The following OSBPL1A variants were observed in gnomAD, a reference collection of about 807,000 sequenced individuals.
OSBPL1A encodes the protein oxysterol-binding protein-related protein 1.
A neutral mutation model predicts 137.1 loss-of-function variants in OSBPL1A; 80 were observed. The observed-to-expected ratio is 0.58, with a 90% CI of 0.49 to 0.70. The LOEUF (loss-of-function observed/expected upper bound fraction) is 0.70, where lower values mean the gene tolerates loss of function less well. Among genes scored for constraint, OSBPL1A ranks in the 30% least tolerant of loss-of-function variants. The pLI, the probability that OSBPL1A is intolerant of heterozygous loss-of-function variation, is 0.00. For missense variants in OSBPL1A, 970 were observed against 1,129.4 expected, an observed-to-expected ratio of 0.86 and a Z score of 2.02; for synonymous variants, 365 against 389.7, an observed-to-expected ratio of 0.94 and a Z score of 0.75.
intron 15 of OSBPL1A, among the ~76,000 whole-genome samples, chr18:24,263,458 G>T (rs992759052): frequency 1.3e-5 from 2 of 151,910 alleles, no homozygotes; most frequent in Non-Finnish European, 2.9e-5. Context: ...CCAAATATTG[G>T]ACTAAAATAT....
chr18:24,196,174 G>A lies in OSBPL1A; in HGVS notation c.1628C>T (p.Ser543Phe), dbSNP rs1162550844. Residue 543 changes from serine (S) to phenylalanine (F), a missense_variant, in exon 18 of 28, where the codon TCC (serine) becomes TTC (phenylalanine). This residue lies in a region of OSBPL1A where 647 missense variants were observed against 672.6 expected (regional missense o/e 0.96). Transcript: ENST00000319481. ...HRTSLPSPMF[S>F]RNDFSIWSIL... ...GCTCCAGATACTGAAGTCATTTCTG[G>A]AAAACATAGGAGAAGGCAAACTTGT... 3 of 1,610,440 alleles carry A rather than the reference G, an allele frequency of 1.9e-6. No individual in the cohort carries two copies. The African/African-American group carries it at 4.0e-5, about 22-fold the overall frequency.
chr18:24,306,645 A>T (rs535482612), intron 13 of OSBPL1A, among the ~76,000 whole-genome samples: 6 of 152,284 alleles, frequency 3.9e-5, no homozygotes, highest in African/African-American at 1.4e-4. Context: ...GTTGCCAGAG[A>T]TGGAAGTGGA....
chr18:24,166,848 TA>T (rs1424329929), intron 25 of OSBPL1A, 146 bp from the exon 26 acceptor site: 14 of 841,078 alleles, frequency 1.7e-5, no homozygotes, highest in African/African-American at 5.2e-5. Context: ...CACACGTATC[TA>T]AATGTTTTCA....
chr18:24,250,160 TTGTTTG>T (rs2089036540), intron 15 of OSBPL1A, among the ~76,000 whole-genome samples: 1 of 53,110 alleles, frequency 1.9e-5, no homozygotes. Context: ...GTGTTTTTGT[TTGTTTG>T]TTTGTTTGTT....
At chr18:24,331,190 C>T (rs146478793) in intron 7 of OSBPL1A, among the ~76,000 whole-genome samples, 3 of 152,232 alleles carry the variant, frequency 2.0e-5, no homozygotes, top group African/African-American at 7.2e-5. Context: ...GTGAACCAGA[C>T]AATGAAGTAT....
chr18:24,271,846 G>A lies in OSBPL1A; in HGVS notation c.1281+8996C>T. 1 of 985,288 alleles carries A rather than the reference G, an allele frequency of 1.0e-6. No homozygotes were observed. Among genetic ancestry groups the A allele is most frequent in the Non-Finnish European group, 1.2e-6 (1 of 829,976 alleles). 61.0% of individuals were successfully genotyped at this position (985,288 alleles called of 1,614,324 possible). On this transcript the variant is annotated intron_variant, in intron 15 of 27. Coordinates refer to ENST00000319481, the MANE Select transcript of OSBPL1A (RefSeq NM_080597.4). This position sits in a 1 kb window ranked among gnomAD's most constrained non-coding sequence, Gnocchi z 4.0. ...AGCAGCGCCAGCCTTCCCCAGCGAG[G>A]TCGGGCAGAGGCGTTGCCCGCCAGC...
At chr18:24,284,476 T>C (rs999146239) in intron 14 of OSBPL1A, among the ~76,000 whole-genome samples, 1 of 152,178 alleles carries the variant, frequency 6.6e-6, no homozygotes, top group African/African-American at 2.4e-5. Flanking sequence ...AGCTTAACTT[T>C]AGAGACATAA....
At chr18:24,238,177 CCT>C (rs1200649325) in intron 16 of OSBPL1A, among the ~76,000 whole-genome samples, 1 of 152,180 alleles carries the variant, frequency 6.6e-6, no homozygotes. Flanking sequence ...CACCATGCTT[CCT>C]CTCTTTCCTG....
At chr18:24,251,045 C>T (rs926934079) in intron 15 of OSBPL1A, among the ~76,000 whole-genome samples, 2 of 152,130 alleles carry the variant, frequency 1.3e-5, no homozygotes, top group South Asian at 2.1e-4. Context: ...GAGGGAAGAG[C>T]GGGAAGGACT....
At chr18:24,373,304 C>G (rs749238833) in intron 2 of OSBPL1A, among the ~76,000 whole-genome samples, 1 of 152,124 alleles carries the variant, frequency 6.6e-6, no homozygotes, top group Non-Finnish European at 1.5e-5. Context: ...ATTTGGACCT[C>G]CTAGTAAAGT....
In OSBPL1A at chr18:24,195,906, TG is replaced by T. The variant is rs544688208; in HGVS notation, c.1677+218del. ...AAACACGGCATTTTCAGTTTCTGTT[TG>T]TTTTTTTTTTTACATCAAAAATGCA... On this transcript the variant is annotated intron_variant, in intron 18 of 27. Transcript: ENST00000319481. 1.5e-3 allele frequency: 738 copies of T among 480,912 alleles called. 2 individuals are homozygous for T. In the East Asian group the frequency reaches 0.017, roughly 11 times the overall value. The allele number at this position is 480,912 out of a possible 1,614,324, so 29.8% of individuals were successfully genotyped here. A position where few individuals can be genotyped will look rare whatever the true frequency, so the allele number is the denominator to read the frequency against.
intron 15 of OSBPL1A, among the ~76,000 whole-genome samples, chr18:24,265,029 T>A (rs558373099): frequency 3.3e-5 from 5 of 152,340 alleles, no homozygotes; most frequent in African/African-American, 7.2e-5. Flanking sequence ...GGCATCCACA[T>A]CCTGCCTCCA....
At chr18:24,346,617 T>C (rs2091350055) in intron 4 of OSBPL1A, among the ~76,000 whole-genome samples, 1 of 152,224 alleles carries the variant, frequency 6.6e-6, no homozygotes, top group African/African-American at 2.4e-5. Flanking sequence ...TCAAGGTTCA[T>C]TTATGTTTTG....
At chr18:24,208,707 A>G (rs1473870440) in intron 17 of OSBPL1A, among the ~76,000 whole-genome samples, 2 of 152,256 alleles carry the variant, frequency 1.3e-5, no homozygotes, top group Non-Finnish European at 2.9e-5. Flanking sequence ...ATAGGTACTT[A>G]GCACACATTG....
At chr18:24,190,845 C>T (rs536887237) in intron 18 of OSBPL1A, among the ~76,000 whole-genome samples, 2 of 152,316 alleles carry the variant, frequency 1.3e-5, no homozygotes, top group South Asian at 4.1e-4. Context: ...TATCTCATCC[C>T]TTCTGACAGT....
Position 24,167,364 on chromosome 18 carries a change from A to G in OSBPL1A, c.2500T>C (p.Trp834Arg). The change falls in exon 25 of 28, where the codon TGG becomes CGG. Residue 834 changes from tryptophan (W) to arginine (R), a missense_variant. Trp to Arg is a moderately radical substitution (Grantham distance 101). Around this residue, in one of 2 missense-constraint regions of OSBPL1A, gnomAD observed 323 missense variants for 456.8 expected, o/e 0.71. Transcript: ENST00000319481. ...TTTGGAGGCCGTGGGGCTATTCGCC[A>G]TAGAAGAACGCTTCCAGGGATAATG... Reference protein sequence around the residue: ...VFIIPGSVLLWRIAPRPPNSA... With the variant: ...VFIIPGSVLLRRIAPRPPNSA... 2 of 1,614,256 alleles carry G rather than the reference A, an allele frequency of 1.2e-6. No homozygotes were observed. Among genetic ancestry groups the G allele is most frequent in the Non-Finnish European group, 1.7e-6 (2 of 1,180,046 alleles).
chr18:24,228,920 G>A (rs866083805), intron 16 of OSBPL1A, among the ~76,000 whole-genome samples: 22 of 152,314 alleles, frequency 1.4e-4, no homozygotes, highest in Middle Eastern at 6.8e-3. Context: ...GCAAACACAG[G>A]CTGGGCGCGG....
rs551018871 is a variant in OSBPL1A at position 24,249,555 on chromosome 18, C to G, written c.1282-10173G>C. ...TTGAATCACCAACACCAACCCTCCC[C>G]TATCCCCTGGCAACAGCTGTACAGC... is the stretch of plus-strand genomic sequence containing the variant. On this transcript the variant is annotated intron_variant, in intron 15 of 27. Coordinates refer to ENST00000319481, the MANE Select transcript of OSBPL1A (RefSeq NM_080597.4). Among the ~76,000 whole-genome samples, 45 of 152,346 alleles carry G rather than the reference C, an allele frequency of 3.0e-4. 1 individual carries two copies. The Middle Eastern group carries it at 0.01, about 35-fold the overall frequency.
Position 24,318,765 on chromosome 18 carries a change from T to A in OSBPL1A, c.670A>T (p.Ile224Phe). 1 of 1,613,242 alleles carries A rather than the reference T, an allele frequency of 6.2e-7. No homozygotes were observed. Among genetic ancestry groups the A allele is most frequent in the Non-Finnish European group, 8.5e-7 (1 of 1,179,852 alleles). The change falls in exon 8 of 28, where the codon ATT (isoleucine) becomes TTT (phenylalanine). Residue 224 changes from isoleucine (I) to phenylalanine (F), a missense_variant. This residue lies in a region of OSBPL1A where 647 missense variants were observed against 672.6 expected (regional missense o/e 0.96). Coordinates refer to ENST00000319481, the MANE Select transcript of OSBPL1A (RefSeq NM_080597.4). ...DLAQGAEMKH[I>F]LVGNKVIYKA... ...CTCTGTACCTTATTACCAACAAGAA[T>A]GTGTTTCATTTCAGCACCCTGGGCA... is the stretch of plus-strand genomic sequence containing the variant.
Sources: gnomAD v4.1 joint callset for allele counts (sites outside exome capture counted in the v4.1 genomes callset) on GRCh38, gnomAD v4.1.1 for gene constraint, gnomAD v4.1.1 regional missense constraint, Gnocchi (gnomAD v3.1) non-coding constraint, MANE v1.5 for transcripts, NCBI Gene and HGNC (gene_info 2026-07-23, HGNC 2026-07-21) for gene names.